Variants in ZFP2 observed in about 807,000 individuals in gnomAD.
ZFP2 encodes ZFP2 zinc finger protein.
A neutral mutation model predicts 36.1 loss-of-function variants in ZFP2; 33 were observed. The observed-to-expected ratio is 0.92, with a 90% CI of 0.69 to 1.22. The LOEUF is 1.22. Ranked by LOEUF, ZFP2 falls within the 50% of genes most tolerant of loss-of-function variation. The pLI is 0.00. For synonymous variants in ZFP2, 170 were observed against 178.0 expected (o/e 0.96, Z 0.36); for missense variants, 522 against 551.4 (o/e 0.95, Z 0.53).
rs773399494 is a variant in ZFP2 at position 178,925,755 on chromosome 5, G to A, written c.-77-5482G>A. Among the ~76,000 whole-genome samples the A allele has an allele frequency of 1.3e-5, 2 of 149,458 alleles. 1 individual carries two copies. The highest frequency in any genetic ancestry group is 3.0e-5 in the Non-Finnish European group (2 of 66,592). On this transcript the variant is annotated intron_variant, in intron 4 of 4. Coordinates refer to ENST00000361362, the MANE Select transcript of ZFP2 (RefSeq NM_030613.4). ...TTCTAGTGGGCTTGGTGTTTCATAA[G>A]CATTATTTTCCAAGTCTCCATTCTA...
intron 4 of ZFP2, among the ~76,000 whole-genome samples, chr5:178,920,586 G>A (rs951595719): frequency 6.0e-5 from 9 of 151,142 alleles, no homozygotes; most frequent in Non-Finnish European, 1.2e-4. Context: ...GCAGTGAGTC[G>A]AGATCGCGCC....
intron 4 of ZFP2, chr5:178,922,381 A>T: frequency 8.6e-7 from 1 of 1,156,638 alleles, no homozygotes; most frequent in Non-Finnish European, 1.3e-6. Context: ...CACCACTAAT[A>T]GAGTTGGCAT....
At chr5:178,912,417 CT>C (rs1758317844) in intron 1 of ZFP2, among the ~76,000 whole-genome samples, 166 bp from the exon 2 acceptor site, 1 of 152,110 alleles carries the variant, frequency 6.6e-6, no homozygotes, top group South Asian at 2.1e-4. Flanking sequence ...TCCCAAAACA[CT>C]TTTTATATTA....
chr5:178,896,873 C>A (rs999292397), intron 1 of ZFP2, among the ~76,000 whole-genome samples: 5 of 151,954 alleles, frequency 3.3e-5, no homozygotes, highest in Non-Finnish European at 7.4e-5. Flanking sequence ...GGCCTAAACA[C>A]CCAATGAAGA....
chr5:178,926,590 C>T (rs1399463396), intron 4 of ZFP2, among the ~76,000 whole-genome samples: 2 of 151,894 alleles, frequency 1.3e-5, no homozygotes, highest in South Asian at 2.1e-4. Flanking sequence ...GATCTCGACT[C>T]ACTGCAAGCT....
chr5:178,907,386 G>T (rs1758188567), intron 1 of ZFP2, among the ~76,000 whole-genome samples: 1 of 151,092 alleles, frequency 6.6e-6, no homozygotes, highest in Admixed American at 6.6e-5. Flanking sequence ...ACATATTTGG[G>T]GGTAGGGAAA....
chr5:178,915,801 G>C (rs914672059), intron 3 of ZFP2: 2 of 152,116 alleles, frequency 1.3e-5, no homozygotes, highest in African/African-American at 4.8e-5. Context: ...CTGCACTCCA[G>C]CCTGGGCAGC....
chr5:178,908,881 G>C (rs1227079961), intron 1 of ZFP2, among the ~76,000 whole-genome samples: 1 of 152,180 alleles, frequency 6.6e-6, no homozygotes, highest in African/African-American at 2.4e-5. Flanking sequence ...GGCAGGGCTT[G>C]CATGTCTGAC....
chr5:178,931,856 C>A lies in ZFP2; in HGVS notation c.543C>A (p.Thr181=). The change falls in exon 5 of 5, where the codon ACC becomes ACA. Residue 181 remains threonine, a synonymous_variant. Coordinates refer to ENST00000361362, the MANE Select transcript of ZFP2 (RefSeq NM_030613.4). ...TTACTGTCCATCAACGAACTCACAC[C>A]GGAGAGAAACCCTATCAGTGTAAAG... ...MNLTVHQRTH[T]GEKPYQCKEC... is the part of the protein sequence containing the mutation. 1 of 1,613,272 alleles carries A rather than the reference C, an allele frequency of 6.2e-7. No homozygotes were observed. Among genetic ancestry groups the A allele is most frequent in the Non-Finnish European group, 8.5e-7 (1 of 1,179,836 alleles).
chr5:178,930,682 A>ACT (rs1758809946), intron 4 of ZFP2, among the ~76,000 whole-genome samples: 1 of 152,138 alleles, frequency 6.6e-6, no homozygotes, highest in Non-Finnish European at 1.5e-5. Flanking sequence ...GAGACAAGTA[A>ACT]CTAGTTAAGA....
At chr5:178,917,647 A>G (rs10516151) in intron 4 of ZFP2, among the ~76,000 whole-genome samples, 55,056 of 151,904 alleles carry the variant, frequency 0.36, 10,207 homozygotes, top group East Asian at 0.49. Context: ...GATGTACTGG[A>G]TAACTACTTC....
intron 4 of ZFP2, among the ~76,000 whole-genome samples, chr5:178,918,108 G>A (rs994127858): frequency 4.6e-5 from 7 of 152,090 alleles, no homozygotes; most frequent in Non-Finnish European, 7.4e-5. Flanking sequence ...TTTCTGTAAG[G>A]TATACCACTT....
Position 178,931,540 on chromosome 5 carries a change from G to A in ZFP2, c.227G>A (p.Cys76Tyr). 1 of 1,614,124 alleles carries A rather than the reference G, an allele frequency of 6.2e-7. No homozygotes were observed. ...SIPMVKRPHNCNSHGEDATQN... is the reference protein window; with the variant it reads ...SIPMVKRPHNYNSHGEDATQN... The stretch of plus-strand genomic sequence containing the variant: ...CCTATGGTAAAAAGGCCCCATAACT[G>A]TAATTCACATGGAGAAGATGCCACA... The change falls in exon 5 of 5, where the codon TGT becomes TAT. Residue 76 changes from cysteine to tyrosine, a missense_variant. Coordinates refer to ENST00000361362, the MANE Select transcript of ZFP2 (RefSeq NM_030613.4).
At chr5:178,921,299 T>G (rs1376118007) in intron 4 of ZFP2, among the ~76,000 whole-genome samples, 3 of 152,200 alleles carry the variant, frequency 2.0e-5, no homozygotes, top group African/African-American at 7.2e-5. Flanking sequence ...GCTGTCCTTT[T>G]GACTCTTCTG....
intron 4 of ZFP2, among the ~76,000 whole-genome samples, chr5:178,928,506 C>T (rs1758743271): frequency 6.6e-6 from 1 of 152,196 alleles, no homozygotes; most frequent in African/African-American, 2.4e-5. Context: ...CATGAAAGTC[C>T]AGAAACCATC....
At chr5:178,909,755 A>C in intron 1 of ZFP2, 1 of 1,566,180 alleles carries the variant, frequency 6.4e-7, no homozygotes, top group Non-Finnish European at 8.7e-7. Context: ...AGCTGAGTGC[A>C]CCTCTCCCTT....
intron 4 of ZFP2, among the ~76,000 whole-genome samples, chr5:178,923,734 A>C (rs1479161364): frequency 6.8e-6 from 1 of 147,650 alleles, no homozygotes; most frequent in Non-Finnish European, 1.5e-5. Context: ...GTTTTTTAAA[A>C]ATTTGTAGGT....
chr5:178,903,851 C>T (rs926373873), intron 1 of ZFP2, among the ~76,000 whole-genome samples: 1 of 152,104 alleles, frequency 6.6e-6, no homozygotes, highest in Non-Finnish European at 1.5e-5. Flanking sequence ...ATTAGCTGGG[C>T]ATGGTGGCAC....
Position 178,922,616 on chromosome 5 carries a change from C to T in ZFP2, c.-78+5906C>T. 11 of 1,582,324 alleles carry T rather than the reference C, an allele frequency of 7.0e-6. 2 individuals are homozygous for T. The highest frequency in any genetic ancestry group is 5.5e-5 in the South Asian group (5 of 90,592). ...GGGCAAGAGCATGGCAGGTATGGCC[C>T]ATCTCCTGTACGCTTGGAGCGACCT... On this transcript the variant is annotated intron_variant, in intron 4 of 4. Coordinates refer to ENST00000361362, the MANE Select transcript of ZFP2 (RefSeq NM_030613.4).
Sources: gnomAD v4.1 joint callset for allele counts (sites outside exome capture counted in the v4.1 genomes callset) on GRCh38, gnomAD v4.1.1 for gene constraint, MANE v1.5 for transcripts, NCBI Gene and HGNC (gene_info 2026-07-23, HGNC 2026-07-21) for gene names.